HCN1: variants seen among roughly 807,000 people sequenced by gnomAD.
HCN1 encodes the protein hyperpolarization activated cyclic nucleotide gated potassium channel 1, also known as potassium/sodium hyperpolarization-activated cyclic nucleotide-gated channel 1.
A neutral mutation model predicts 78.9 loss-of-function variants in HCN1; 13 were observed. The ratio of observed to expected loss-of-function variants is 0.16; its 90% CI spans 0.11 to 0.26. The LOEUF (loss-of-function observed/expected upper bound fraction) is 0.26. Ranked by LOEUF, HCN1 falls within the 10% of genes least tolerant of loss-of-function variation. The pLI is 1.00. For synonymous variants in HCN1, 552 were observed against 455.5 expected (o/e 1.21, Z -2.70); for missense variants, 810 against 1,154.3 (o/e 0.70, Z 4.32).
intron 4 of HCN1, among the ~76,000 whole-genome samples, chr5:45,374,317 T>G (rs1290546033): frequency 7.4e-6 from 1 of 134,826 alleles, no homozygotes; most frequent in African/African-American, 2.7e-5. Flanking sequence ...ATTATATACA[T>G]TATATACATT....
intron 1 of HCN1, among the ~76,000 whole-genome samples, chr5:45,688,086 A>T (rs1307755001): frequency 2.0e-5 from 3 of 152,124 alleles, no homozygotes; most frequent in Non-Finnish European, 4.4e-5. Context: ...TTTGTCCATT[A>T]ACTTCCTATT....
In HCN1 at chr5:45,668,961, T is replaced by C. The variant is rs1580037612; in HGVS notation, c.426-23353A>G. On this transcript the variant is annotated intron_variant, in intron 1 of 7. Transcript: ENST00000303230. ...ACCACTTAAGAACAGTACTATGGCA[T>C]AGTTGAAAGAAGATTAGAATGAATG... Among the ~76,000 whole-genome samples the C allele has an allele frequency of 1.3e-5, 2 of 151,948 alleles. 1 individual carries two copies. Among genetic ancestry groups the C allele is most frequent in the East Asian group, 3.9e-4 (2 of 5,138 alleles).
intron 6 of HCN1, among the ~76,000 whole-genome samples, chr5:45,289,818 T>A (rs1745335949): frequency 6.6e-6 from 1 of 152,074 alleles, no homozygotes; most frequent in African/African-American, 2.4e-5. Context: ...TTCTGGAGCC[T>A]CAAAGTTCAA....
chr5:45,350,443 C>T (rs1422360068), intron 5 of HCN1, among the ~76,000 whole-genome samples: 2 of 152,088 alleles, frequency 1.3e-5, no homozygotes, highest in Non-Finnish European at 2.9e-5. Context: ...AAACTGGAAG[C>T]ATTCCCTTTG....
intron 3 of HCN1, among the ~76,000 whole-genome samples, chr5:45,414,440 C>A (rs151025009): frequency 6.6e-6 from 1 of 152,000 alleles, no homozygotes; most frequent in Non-Finnish European, 1.5e-5. Context: ...CAGCTTTACA[C>A]AAACATCCCA....
chr5:45,565,268 A>C (rs1743683741), intron 2 of HCN1, among the ~76,000 whole-genome samples: 1 of 152,192 alleles, frequency 6.6e-6, no homozygotes. Flanking sequence ...CAGTGGGAGC[A>C]ATGAATGGAG....
intron 2 of HCN1, among the ~76,000 whole-genome samples, chr5:45,624,790 G>A (rs1580004887): frequency 1.3e-5 from 2 of 151,898 alleles, no homozygotes; most frequent in East Asian, 3.9e-4. Flanking sequence ...TGTGTTTATG[G>A]AGGCAAGCAG....
chr5:45,423,219 A>G (rs1740263528), intron 3 of HCN1, among the ~76,000 whole-genome samples: 1 of 152,176 alleles, frequency 6.6e-6, no homozygotes, highest in African/African-American at 2.4e-5. Context: ...ACTTATTGTT[A>G]CCTTCTAGCT....
chr5:45,275,774 T>C (rs1745045752), intron 6 of HCN1, among the ~76,000 whole-genome samples: 1 of 152,158 alleles, frequency 6.6e-6, no homozygotes, highest in East Asian at 1.9e-4. Flanking sequence ...GGGTTCTGTT[T>C]TGTGATTGTA....
At chr5:45,515,905 A>G (rs1243107407) in intron 2 of HCN1, among the ~76,000 whole-genome samples, 1 of 151,928 alleles carries the variant, frequency 6.6e-6, no homozygotes, top group East Asian at 1.9e-4. Context: ...TAAATCTACC[A>G]CCAAAAATGC....
intron 2 of HCN1, among the ~76,000 whole-genome samples, chr5:45,604,388 T>C (rs1744684306): frequency 1.3e-5 from 2 of 151,652 alleles, no homozygotes; most frequent in Admixed American, 1.3e-4. Flanking sequence ...CTGCTTGTAA[T>C]GCCATTATTC....
intron 2 of HCN1, among the ~76,000 whole-genome samples, chr5:45,502,178 C>G (rs1210922745): frequency 6.6e-6 from 1 of 151,748 alleles, no homozygotes; most frequent in African/African-American, 2.4e-5. Flanking sequence ...TTAACAATGA[C>G]AAAATGAAGC....
At chr5:45,536,790 T>C (rs1742976658) in intron 2 of HCN1, among the ~76,000 whole-genome samples, 2 of 152,216 alleles carry the variant, frequency 1.3e-5, no homozygotes, top group Admixed American at 1.3e-4. Flanking sequence ...TGGATTTTGT[T>C]ATAATTCTCT....
At chr5:45,329,403 C>A (rs1746302372) in intron 5 of HCN1, among the ~76,000 whole-genome samples, 1 of 151,362 alleles carries the variant, frequency 6.6e-6, no homozygotes, top group East Asian at 2.0e-4. Context: ...TAAACAATGT[C>A]ACTCAGAGAA....
intron 2 of HCN1, among the ~76,000 whole-genome samples, chr5:45,543,590 C>A (rs963008532): frequency 6.6e-6 from 1 of 152,060 alleles, no homozygotes; most frequent in East Asian, 1.9e-4. Flanking sequence ...TACTTCCAAT[C>A]CAGCTCTAAA....
At chr5:45,647,101 C>A in intron 1 of HCN1, among the ~76,000 whole-genome samples, 1 of 152,170 alleles carries the variant, frequency 6.6e-6, no homozygotes, top group East Asian at 1.9e-4. Context: ...TCTCCCCTGT[C>A]TCCAGCCTCA....
intron 2 of HCN1, among the ~76,000 whole-genome samples, chr5:45,582,778 C>T (rs972339996): frequency 1.9e-4 from 29 of 152,112 alleles, no homozygotes; most frequent in Admixed American, 5.2e-4. Flanking sequence ...TTGAGATAAT[C>T]GTGTGGTTTT....
At chr5:45,300,809 G>T (rs1236403660) in intron 6 of HCN1, among the ~76,000 whole-genome samples, 1 of 151,862 alleles carries the variant, frequency 6.6e-6, no homozygotes, top group African/African-American at 2.4e-5. Context: ...TTAATTCTCT[G>T]CACTTTCTAA....
chr5:45,336,954 C>A (rs1277601387), intron 5 of HCN1, among the ~76,000 whole-genome samples: 1 of 151,944 alleles, frequency 6.6e-6, no homozygotes. Context: ...AATATCATCA[C>A]CTTGGGGATT....
Sources: gnomAD v4.1 joint callset for allele counts (sites outside exome capture counted in the v4.1 genomes callset) on GRCh38, gnomAD v4.1.1 for gene constraint, MANE v1.5 for transcripts, NCBI Gene and HGNC (gene_info 2026-07-23, HGNC 2026-07-21) for gene names.